MAP4K3: variants seen among roughly 807,000 people sequenced by gnomAD.
The protein encoded by MAP4K3 is MAPK/ERK kinase kinase kinase 3.
Under a neutral mutation model 143.5 loss-of-function variants are expected in MAP4K3, and 94 were observed. That is an observed-to-expected ratio of 0.65 (90% CI 0.55 to 0.78). The LOEUF (loss-of-function observed/expected upper bound fraction) is 0.78. Among genes scored for constraint, MAP4K3 ranks in the 30% least tolerant of loss-of-function variants. The probability of loss-of-function intolerance (pLI) is 0.00; values close to 1 mark genes in which losing one functional copy is unlikely to be tolerated. For synonymous variants in MAP4K3, 416 were observed against 347.2 expected, an observed-to-expected ratio of 1.20 and a Z score of -2.20; for missense variants, 1,077 against 1,068.1, an observed-to-expected ratio of 1.01 and a Z score of -0.12.
intron 21 of MAP4K3, among the ~76,000 whole-genome samples, chr2:39,284,223 A>C (rs933700241): frequency 6.6e-5 from 10 of 151,744 alleles, no homozygotes; most frequent in African/African-American, 2.4e-4. Flanking sequence ...GTGCAGGGGC[A>C]CGATATCGGG....
At chr2:39,419,489 C>G (rs563461772) in intron 1 of MAP4K3, among the ~76,000 whole-genome samples, 2 of 152,150 alleles carry the variant, frequency 1.3e-5, no homozygotes, top group East Asian at 1.9e-4. Context: ...GCTAAAGAAA[C>G]TCAACACAAA....
intron 1 of MAP4K3, among the ~76,000 whole-genome samples, chr2:39,383,602 C>G (rs964124919): frequency 1.2e-4 from 18 of 151,894 alleles, no homozygotes; most frequent in African/African-American, 4.1e-4. Flanking sequence ...CTGGTTATGC[C>G]TATTGTACCG....
intron 18 of MAP4K3, among the ~76,000 whole-genome samples, chr2:39,291,270 G>T (rs1191886127): frequency 3.3e-5 from 5 of 152,052 alleles, no homozygotes; most frequent in Admixed American, 2.0e-4. Flanking sequence ...TCAGTTAAAA[G>T]AATTAAATTC....
intron 4 of MAP4K3, 111 bp from the exon 5 acceptor site, chr2:39,337,692 C>T: frequency 3.7e-6 from 2 of 546,852 alleles, no homozygotes; most frequent in Non-Finnish European, 3.3e-6. Flanking sequence ...AACAATTCTA[C>T]TGAAATGTAA....
chr2:39,423,215 C>T (rs770591582), intron 1 of MAP4K3, among the ~76,000 whole-genome samples: 5 of 152,136 alleles, frequency 3.3e-5, no homozygotes, highest in South Asian at 2.1e-4. Flanking sequence ...TAAAACAATG[C>T]GGTAGCACTA....
Position 39,403,585 on chromosome 2 carries a change from T to C in MAP4K3, c.97-25462A>G, listed in dbSNP as rs527414065. 2.6e-5 allele frequency among the ~76,000 whole-genome samples: 4 copies of C among 152,164 alleles called. No individual in the cohort carries two copies. In the South Asian group the frequency reaches 8.3e-4, roughly 32 times the overall value. On this transcript the variant is annotated intron_variant, in intron 1 of 33. Coordinates refer to ENST00000263881, the MANE Select transcript of MAP4K3 (RefSeq NM_003618.4). ...AAGTGCCTGTCCCAACAGTCAGAAC[T>C]TGAGTTCTGGCAAGCCTCCCCACCA...
chr2:39,252,465 G>A (rs1441548251), intron 32 of MAP4K3, among the ~76,000 whole-genome samples: 2 of 152,216 alleles, frequency 1.3e-5, no homozygotes, highest in African/African-American at 2.4e-5. Flanking sequence ...CCTAGCTAAG[G>A]AAGTGCTCAA....
At chr2:39,323,834 T>A (rs1435588301) in intron 12 of MAP4K3, 1 of 152,174 alleles carries the variant, frequency 6.6e-6, no homozygotes, top group South Asian at 2.1e-4. Context: ...GATTCTAATA[T>A]TTATAATACA....
chr2:39,415,568 T>C (rs1667346990), intron 1 of MAP4K3, among the ~76,000 whole-genome samples: 1 of 152,170 alleles, frequency 6.6e-6, no homozygotes, highest in Non-Finnish European at 1.5e-5. Flanking sequence ...CTTTATCAAG[T>C]TCCTGTGGTA....
chr2:39,315,513 G>T, intron 12 of MAP4K3, 125 bp from the exon 13 acceptor site: 4 of 503,154 alleles, frequency 7.9e-6, no homozygotes, highest in African/African-American at 4.0e-5. Flanking sequence ...ACAGCACTTT[G>T]CAAATTTTTT....
intron 2 of MAP4K3, among the ~76,000 whole-genome samples, chr2:39,358,919 C>G (rs149741321): frequency 6.6e-6 from 1 of 152,264 alleles, no homozygotes; most frequent in Non-Finnish European, 1.5e-5. Context: ...CGTGGTGACA[C>G]AACCAAACTA....
At chr2:39,366,038 T>A (rs889817280) in intron 2 of MAP4K3, among the ~76,000 whole-genome samples, 5 of 152,192 alleles carry the variant, frequency 3.3e-5, no homozygotes, top group African/African-American at 1.2e-4. Flanking sequence ...GTACTTCAGT[T>A]GTTCGTGAAA....
chr2:39,419,718 C>T (rs761554380), intron 1 of MAP4K3, among the ~76,000 whole-genome samples: 1 of 152,062 alleles, frequency 6.6e-6, no homozygotes, highest in Non-Finnish European at 1.5e-5. Flanking sequence ...AAATAAGAGA[C>T]CCCAGAAGAA....
chr2:39,287,624 G>A (rs540239479), intron 20 of MAP4K3, among the ~76,000 whole-genome samples: 1 of 152,116 alleles, frequency 6.6e-6, no homozygotes, highest in African/African-American at 2.4e-5. Flanking sequence ...TTTTAAAATT[G>A]CTTCTTCTGG....
At chr2:39,292,470 T>C (rs1181143701) in intron 18 of MAP4K3, among the ~76,000 whole-genome samples, 1 of 152,200 alleles carries the variant, frequency 6.6e-6, no homozygotes, top group East Asian at 1.9e-4. Context: ...CGTGAAGACA[T>C]GGCCAGAAGA....
intron 3 of MAP4K3, among the ~76,000 whole-genome samples, chr2:39,350,909 C>A (rs895155713): frequency 7.2e-5 from 11 of 152,102 alleles, no homozygotes; most frequent in Non-Finnish European, 1.6e-4. Context: ...GGGGTTCAAC[C>A]AATCGCAGGT....
At position 39,333,688 on chromosome 2, in the gene MAP4K3, A is replaced by G. The variant is rs537294698; in HGVS notation, c.415-114T>C. ...CACAGCCTTAGACCTAGAAATACTT[A>G]AAGTGTGCTTAATTAAAATGTCGTA... is the stretch of plus-strand genomic sequence containing the variant. On this transcript the variant is annotated intron_variant, in intron 6 of 33. Transcript: ENST00000263881. The G allele has an allele frequency of 7.0e-4, 378 of 538,790 alleles. 4 individuals are homozygous for G. Among genetic ancestry groups the G allele is most frequent in the African/African-American group, 6.7e-3 (341 of 50,844 alleles). The allele number at this position is 538,790 out of a possible 1,614,324, so 33.4% of individuals were successfully genotyped here.
chr2:39,299,844 G>C, intron 15 of MAP4K3, 43 bp from the exon 16 acceptor site: 1 of 939,640 alleles, frequency 1.1e-6, no homozygotes, highest in Non-Finnish European at 1.6e-6. Flanking sequence ...AGTAGTATAT[G>C]ACACACCATG....
At chr2:39,325,855 T>C (rs1389349574) in intron 10 of MAP4K3, 44 bp from the exon 11 acceptor site, 1 of 1,558,096 alleles carries the variant, frequency 6.4e-7, no homozygotes. Flanking sequence ...CAATTCATTT[T>C]TTGCTCATCT....
Sources: allele counts gnomAD v4.1 joint callset (sites outside exome capture counted in the v4.1 genomes callset), GRCh38; gene constraint gnomAD v4.1.1; transcripts MANE v1.5; gene names NCBI Gene and HGNC (gene_info 2026-07-23, HGNC 2026-07-21).